The following PRDM4 variants were observed in gnomAD, a reference collection of about 807,000 sequenced individuals.
The protein encoded by PRDM4 is PR domain zinc finger protein 4.
PRDM4 carries 38 observed loss-of-function variants against 62.3 expected under a neutral mutation model. The observed-to-expected ratio is 0.61, with a 90% CI of 0.47 to 0.80. The LOEUF is 0.80. Ranked by LOEUF, PRDM4 falls within the 30% of genes least tolerant of loss-of-function variation. The pLI is 0.00. For synonymous variants in PRDM4, 339 were observed against 348.2 expected, an observed-to-expected ratio of 0.97 and a Z score of 0.30; for missense variants, 858 against 997.1, an observed-to-expected ratio of 0.86 and a Z score of 1.88.
At chr12:107,757,076 T>C (rs1891087636) in intron 2 of PRDM4, 111 bp from the exon 3 acceptor site, 5 of 1,080,122 alleles carry the variant, frequency 4.6e-6, no homozygotes, top group Admixed American at 2.1e-5. Context: ...CTTGGCCAAC[T>C]ATTAGTTCAC....
At chr12:107,756,705 T>C in intron 3 of PRDM4, 127 bp downstream of exon 3, 1 of 1,138,874 alleles carries the variant, frequency 8.8e-7, no homozygotes, top group South Asian at 1.6e-5. Context: ...TGAACCACCA[T>C]TCAGGCCTGC....
rs1566096440 is a variant in PRDM4, at chr12:107,746,365, A to T, written c.1186T>A (p.Phe396Ile). 2 of 1,613,702 alleles carry T rather than the reference A, an allele frequency of 1.2e-6. No homozygotes were observed. Among genetic ancestry groups the T allele is most frequent in the Non-Finnish European group, 1.7e-6 (2 of 1,179,726 alleles). ...SDCPEHGPVT[F>I]VPDTPIESRA... ...CTCTCTATTGGAGTGTCAGGAACAA[A>T]AGTCACTGGTCCATGTTCGGGACAG... The change falls in exon 6 of 12, where the codon TTT (phenylalanine) becomes ATT (isoleucine). Residue 396 changes from phenylalanine (F) to isoleucine (I), a missense_variant. Coordinates refer to ENST00000228437, the MANE Select transcript of PRDM4 (RefSeq NM_012406.4).
chr12:107,756,742 C>T (rs1891077099), intron 3 of PRDM4, 90 bp downstream of exon 3: 1 of 1,477,774 alleles, frequency 6.8e-7, no homozygotes, highest in Non-Finnish European at 9.2e-7. Context: ...ACCTTCTACC[C>T]TTAAAGGGGC....
At chr12:107,735,819 A>G (rs765347923) in intron 11 of PRDM4, among the ~76,000 whole-genome samples, 1 of 150,984 alleles carries the variant, frequency 6.6e-6, no homozygotes, top group Admixed American at 6.6e-5. Context: ...AATATGAAAC[A>G]GTTAAAGCAG....
At chr12:107,744,013 C>G (rs959431197) in intron 7 of PRDM4, among the ~76,000 whole-genome samples, 2 of 151,898 alleles carry the variant, frequency 1.3e-5, no homozygotes, top group Non-Finnish European at 2.9e-5. Context: ...ACTTGGGAGG[C>G]TGAGGTGGGA....
At chr12:107,739,179 C>T (rs1890435088) in intron 11 of PRDM4, 1 of 491,422 alleles carries the variant, frequency 2.0e-6, no homozygotes, top group Non-Finnish European at 3.5e-6. Flanking sequence ...AAAAGAAAGC[C>T]AACAACTGAA....
Position 107,753,943 on chromosome 12 carries a change from A to G in PRDM4, c.312T>C (p.Tyr104=), listed in dbSNP as rs1363675564. 3 of 1,613,732 alleles carry G rather than the reference A, an allele frequency of 1.9e-6. No homozygotes were observed. The highest frequency in any genetic ancestry group is 4.5e-5 in the East Asian group (2 of 44,886). Reference sequence around the variant, plus strand: ...ACTTACCAGGTAGAATGGTTCTGAAATAACTGCTCTCCAGGTGAGGGTAAG... The same window carrying G: ...ACTTACCAGGTAGAATGGTTCTGAAGTAACTGCTCTCCAGGTGAGGGTAAG... ...PPPYPHLESS[Y]FRTILPGILS... The change falls in exon 4 of 12, where the codon TAT becomes TAC. Residue 104 remains tyrosine (Y), a synonymous_variant. Coordinates refer to ENST00000228437, the MANE Select transcript of PRDM4 (RefSeq NM_012406.4).
At chr12:107,749,303 T>C (rs1472379712) in intron 5 of PRDM4, among the ~76,000 whole-genome samples, 1 of 152,138 alleles carries the variant, frequency 6.6e-6, no homozygotes, top group Non-Finnish European at 1.5e-5. Context: ...TGTCTAAAAC[T>C]TGACTCATCG....
intron 2 of PRDM4, among the ~76,000 whole-genome samples, chr12:107,758,022 T>C (rs1045160797): frequency 3.5e-4 from 54 of 152,240 alleles, no homozygotes; most frequent in African/African-American, 1.2e-3. Context: ...CTTTATTCTC[T>C]GCGTATGGGA....
intron 3 of PRDM4, among the ~76,000 whole-genome samples, chr12:107,755,325 T>C (rs1891030212): frequency 6.6e-6 from 1 of 152,130 alleles, no homozygotes. Context: ...CTTGAACTCC[T>C]GGGCTCAAGT....
In PRDM4 at chr12:107,751,822, A is replaced by T. The variant is rs1188805939; in HGVS notation, c.719T>A (p.Val240Glu). The T allele has an allele frequency of 6.2e-7, 1 of 1,614,222 alleles. No homozygotes were observed. The highest frequency in any genetic ancestry group is 2.2e-5 in the East Asian group (1 of 44,886). Residue 240 changes from valine (V) to glutamate (E), a missense_variant, in exon 5 of 12, where the codon GTG becomes GAG. Coordinates refer to ENST00000228437, the MANE Select transcript of PRDM4 (RefSeq NM_012406.4). ...AGCGTCTGCTGCAAGGTTGTTGCTC[A>T]CAGAATCCACAGACAGAGGTTCATG... ...RSHEPLSVDS[V>E]SNNLAADAVG... is the part of the protein sequence containing the mutation.
At chr12:107,742,001 A>G (rs1890532931) in intron 9 of PRDM4, among the ~76,000 whole-genome samples, 1 of 152,226 alleles carries the variant, frequency 6.6e-6, no homozygotes, top group African/African-American at 2.4e-5. Context: ...AAGTCCTACC[A>G]TAAAAGACCG....
At chr12:107,753,665 G>A (rs1311493416) in intron 4 of PRDM4, among the ~76,000 whole-genome samples, 1 of 152,118 alleles carries the variant, frequency 6.6e-6, no homozygotes, top group South Asian at 2.1e-4. Context: ...AACACCAAAT[G>A]AAAGAGATAC....
chr12:107,734,150 A>G lies in PRDM4; in HGVS notation c.*60T>C, dbSNP rs1364119942. The G allele has an allele frequency of 1.3e-6, 2 of 1,485,512 alleles. No homozygotes were observed. Among genetic ancestry groups the G allele is most frequent in the Non-Finnish European group, 1.8e-6 (2 of 1,102,318 alleles). The allele number at this position is 1,485,512 out of a possible 1,614,324, so 92.0% of individuals were successfully genotyped here. On this transcript the variant is annotated 3_prime_UTR_variant, in exon 12 of 12. Coordinates refer to ENST00000228437, the MANE Select transcript of PRDM4 (RefSeq NM_012406.4). ...TATATAAAAACCATTATAGTAGATA[A>G]CTGGTTATGTGTATTTTTCCATTTG...
intron 8 of PRDM4, 34 bp downstream of exon 8, chr12:107,743,163 G>GT (rs1890576305): frequency 6.7e-7 from 1 of 1,493,004 alleles, no homozygotes; most frequent in South Asian, 1.1e-5. Context: ...CATCTAAATG[G>GT]TAACTATTTT....
At chr12:107,758,569 G>A (rs1040223236) in intron 2 of PRDM4, among the ~76,000 whole-genome samples, 11 of 152,084 alleles carry the variant, frequency 7.2e-5, no homozygotes, top group Non-Finnish European at 1.6e-4. Flanking sequence ...GGAGAGCTGG[G>A]ATTTAAATTC....
rs779332839 is a variant in PRDM4, at chr12:107,752,218, A to T, written c.332-9T>A. The T allele has an allele frequency of 7.1e-6, 11 of 1,543,580 alleles. No individual in the cohort carries two copies. The highest frequency in any genetic ancestry group is 9.0e-6 in the Non-Finnish European group (10 of 1,117,002). Reference sequence around the variant, plus strand: ...TAAATAAGATAAAATGCCTGAGAAAAGGAAAAGATGAGATATCAGAGACTT... The same window carrying T: ...TAAATAAGATAAAATGCCTGAGAAATGGAAAAGATGAGATATCAGAGACTT... On this transcript the variant is annotated splice_polypyrimidine_tract_variant and intron_variant, in intron 4 of 11. Transcript: ENST00000228437.
At chr12:107,741,401 T>A in intron 9 of PRDM4, 141 bp from the exon 10 acceptor site, 1 of 781,020 alleles carries the variant, frequency 1.3e-6, no homozygotes, top group Non-Finnish European at 2.0e-6. Flanking sequence ...AATAATGTAC[T>A]AAGGGCATCT....
chr12:107,739,147 A>G (rs1319644800), intron 11 of PRDM4: 2 of 430,092 alleles, frequency 4.7e-6, no homozygotes, highest in Non-Finnish European at 8.3e-6. Context: ...ATGTGAAAAA[A>G]GAGTACATGT....
Sources: allele counts gnomAD v4.1 joint callset (sites outside exome capture counted in the v4.1 genomes callset), GRCh38; gene constraint gnomAD v4.1.1; transcripts MANE v1.5; gene names NCBI Gene and HGNC (gene_info 2026-07-23, HGNC 2026-07-21).